RP1: variants seen among roughly 807,000 people sequenced by gnomAD.
RP1 encodes RP1 axonemal microtubule associated, also known as oxygen-regulated protein 1.
In RP1, 16 loss-of-function variants were observed where a neutral mutation model predicts 14.8. The observed-to-expected ratio is 1.08, with a 90% CI of 0.73 to 1.65. The LOEUF (loss-of-function observed/expected upper bound fraction) is 1.65. Among genes scored for constraint, RP1 ranks in the 40% most tolerant of loss-of-function variants. The probability of loss-of-function intolerance (pLI) is 0.00; values close to 1 mark genes in which losing one functional copy is unlikely to be tolerated. For missense variants in RP1, 2,631 were observed against 2,535.0 expected, an observed-to-expected ratio of 1.04 and a Z score of -0.81; for synonymous variants, 876 against 883.6, an observed-to-expected ratio of 0.99 and a Z score of 0.15.
Position 54,625,294 on chromosome 8 carries a change from C to T in RP1, c.1412C>T (p.Ser471Phe), listed in dbSNP as rs1000614416. The T allele has an allele frequency of 1.2e-6, 2 of 1,613,982 alleles. No individual in the cohort carries two copies. Among genetic ancestry groups the T allele is most frequent in the Non-Finnish European group, 8.5e-7 (1 of 1,180,028 alleles). ...GTGATTGGCAGTGTGACCTTAGTAT[C>T]TGAAACTGAGGTTCAAGAGAAAATG... The part of the protein sequence containing the change: ...KSVIGSVTLV[S>F]ETEVQEKMIG... The change falls in exon 4 of 4, where the codon TCT becomes TTT. Residue 471 changes from serine (S) to phenylalanine (F), a missense_variant. Ser to Phe is a radical substitution (Grantham distance 155). Transcript: ENST00000220676.
rs1352979397 is a variant in RP1 at position 54,588,094 on chromosome 8, C to G, written c.-13+28774C>G. 3.0e-4 allele frequency among the ~76,000 whole-genome samples: 45 copies of G among 152,150 alleles called. 1 individual carries two copies. The highest frequency in any genetic ancestry group is 5.9e-5 in the Non-Finnish European group (4 of 68,030). ...AGGAACTTAATATCCATTGGCAGGT[C>G]AACTTGTGACTTTATGCTGTGACTA... is the stretch of plus-strand genomic sequence containing the variant. On this transcript the variant is annotated intron_variant, in intron 1 of 22. Coordinates refer to the RP1 transcript ENST00000636932.
At chr8:54,693,301 G>T (rs1226241463) in intron 12 of RP1, among the ~76,000 whole-genome samples, 1 of 152,078 alleles carries the variant, frequency 6.6e-6, no homozygotes, top group East Asian at 1.9e-4. Flanking sequence ...GGTGATGCGG[G>T]CTCTTTTTTG....
At chr8:54,804,148 G>T (rs191947634) in intron 24 of RP1, among the ~76,000 whole-genome samples, 4,353 of 151,786 alleles carry the variant, frequency 0.029, 122 homozygotes, top group African/African-American at 0.064. Context: ...ATATGTGGGG[G>T]GGGGCTAGGT....
At chr8:54,781,169 G>C in intron 23 of RP1, 1 of 371,186 alleles carries the variant, frequency 2.7e-6, no homozygotes. Flanking sequence ...GCTTGGAAAA[G>C]AGAATGAAAG....
At chr8:54,611,183 T>C (rs898268148), upstream of RP1, among the ~76,000 whole-genome samples, 1 of 152,216 alleles carries the variant, frequency 6.6e-6, no homozygotes, top group African/African-American at 2.4e-5. Flanking sequence ...AGGTCTCTTG[T>C]AGTTCATCCT....
intron 3 of RP1, among the ~76,000 whole-genome samples, chr8:54,641,197 A>T (rs1223786858): frequency 6.6e-6 from 1 of 152,044 alleles, no homozygotes; most frequent in Admixed American, 6.6e-5. Context: ...TGCCCTCCTC[A>T]GCCTCCTGAA....
At chr8:54,661,625 G>C (rs1294755415) in intron 6 of RP1, among the ~76,000 whole-genome samples, 1 of 152,126 alleles carries the variant, frequency 6.6e-6, no homozygotes, top group African/African-American at 2.4e-5. Context: ...AATATCAACT[G>C]ATGTGAAAAT....
At position 54,621,036 on chromosome 8, in the gene RP1, C is replaced by A; in HGVS notation, c.70C>A (p.Pro24Thr). The change falls in exon 2 of 4, where the codon CCT becomes ACT. Residue 24 changes from proline (P) to threonine (T), a missense_variant. Pro to Thr is a conservative substitution (Grantham distance 38). Coordinates refer to ENST00000220676, the MANE Select transcript of RP1 (RefSeq NM_006269.2). Reference protein sequence around the residue: ...PTSSEGQVPPPRHLSLTHPVV... With the variant: ...PTSSEGQVPPTRHLSLTHPVV... The stretch of plus-strand genomic sequence containing the variant: ...GTCTTCTGAAGGTCAAGTTCCACCC[C>A]CTCGCCATTTGAGCCTCACTCATCC... 6.2e-7 allele frequency: 1 copy of A among 1,614,178 alleles called. No individual in the cohort carries two copies. Among genetic ancestry groups the A allele is most frequent in the Non-Finnish European group, 8.5e-7 (1 of 1,180,030 alleles).
At chr8:54,591,585 A>G (rs1805043845) in intron 1 of RP1, among the ~76,000 whole-genome samples, 1 of 152,030 alleles carries the variant, frequency 6.6e-6, no homozygotes, top group Admixed American at 6.6e-5. Flanking sequence ...AAATTATCTT[A>G]TTTATCAACT....
chr8:54,638,903 TCTCTCG>T (rs369063473), intron 3 of RP1, among the ~76,000 whole-genome samples: 1,261 of 120,922 alleles, frequency 0.01, 15 homozygotes, highest in African/African-American at 0.034. Context: ...TCTCTCTCTC[TCTCTCG>T]GTCTCTCTCA....
At chr8:54,803,339 G>A (rs767020414) in intron 24 of RP1, among the ~76,000 whole-genome samples, 8 of 152,124 alleles carry the variant, frequency 5.3e-5, no homozygotes, top group Non-Finnish European at 1.2e-4. Context: ...ACAATTAGAT[G>A]TCACAGATGA....
rs556022916 is a variant in RP1 at position 54,663,875 on chromosome 8, A to G, written c.1323+25A>G. Reference sequence around the variant, plus strand: ...AGTAAGCAAAATGCCCTTTGATTTTAAAAAGATTAATCATGGTAAAAACAC... The same window carrying G: ...AGTAAGCAAAATGCCCTTTGATTTTGAAAAGATTAATCATGGTAAAAACAC... On this transcript the variant is annotated intron_variant, in intron 7 of 22. Coordinates refer to the RP1 transcript ENST00000636932. 29 of 1,503,192 alleles carry G rather than the reference A, an allele frequency of 1.9e-5. No individual in the cohort carries two copies. In the African/African-American group the frequency reaches 3.5e-4, roughly 18 times the overall value. The allele number at this position is 1,503,192 out of a possible 1,614,324, so 93.1% of individuals were successfully genotyped here.
chr8:54,729,169 G>T (rs554290007), intron 17 of RP1, among the ~76,000 whole-genome samples: 1 of 152,072 alleles, frequency 6.6e-6, no homozygotes, highest in African/African-American at 2.4e-5. Context: ...ATATCTTTCC[G>T]GCAACTACCT....
At chr8:54,697,787 G>A (rs1807907780) in intron 12 of RP1, among the ~76,000 whole-genome samples, 1 of 152,158 alleles carries the variant, frequency 6.6e-6, no homozygotes, top group Admixed American at 6.6e-5. Flanking sequence ...ACAAGCAATG[G>A]GGAGAGGATT....
chr8:54,705,173 A>G lies in RP1; in HGVS notation c.1999-1270A>G, dbSNP rs372638102. Reference sequence around the variant, plus strand: ...ACAGAGTTTGGGGGACCCCGAGACCACTATCAAGGCTTGATAATTCACCGG... The same window carrying G: ...ACAGAGTTTGGGGGACCCCGAGACCGCTATCAAGGCTTGATAATTCACCGG... On this transcript the variant is annotated intron_variant, in intron 14 of 22. Transcript: ENST00000636932. Among the ~76,000 whole-genome samples, 337 of 152,272 alleles carry G rather than the reference A, an allele frequency of 2.2e-3. 2 individuals carry two copies. The highest frequency in any genetic ancestry group is 7.1e-3 in the African/African-American group (295 of 41,576).
Position 54,736,834 on chromosome 8 carries a change from C to T in RP1, c.2721+2090C>T, listed in dbSNP as rs151044645. ...TCAGAATCTGCATTTTAACCAGATC[C>T]CCAGGTAATCTGTGTGTGCACTAAA... is the stretch of plus-strand genomic sequence containing the variant. On this transcript the variant is annotated intron_variant, in intron 18 of 22. Coordinates refer to the RP1 transcript ENST00000636932. Among the ~76,000 whole-genome samples the T allele has an allele frequency of 1.6e-3, 247 of 152,172 alleles. 2 individuals carry two copies. The highest frequency in any genetic ancestry group is 5.6e-3 in the African/African-American group (233 of 41,506).
chr8:54,595,711 G>A (rs1318818312), intron 1 of RP1, among the ~76,000 whole-genome samples: 1 of 152,124 alleles, frequency 6.6e-6, no homozygotes, highest in Non-Finnish European at 1.5e-5. Context: ...ATGCTTTATT[G>A]TTTTAAATAA....
At chr8:54,582,244 A>G (rs1804810409) in intron 1 of RP1, among the ~76,000 whole-genome samples, 1 of 151,694 alleles carries the variant, frequency 6.6e-6, no homozygotes, top group South Asian at 2.1e-4. Flanking sequence ...TCCCAGCACC[A>G]TTTATTAAAT....
chr8:54,727,932 A>G (rs557526569), intron 17 of RP1, among the ~76,000 whole-genome samples: 10 of 152,114 alleles, frequency 6.6e-5, no homozygotes, highest in South Asian at 6.2e-4. Flanking sequence ...GTTAATGGCA[A>G]TACAGCAGAA....
Sources: allele counts gnomAD v4.1 joint callset (sites outside exome capture counted in the v4.1 genomes callset), GRCh38; gene constraint gnomAD v4.1.1; transcripts MANE v1.5; gene names NCBI Gene and HGNC (gene_info 2026-07-23, HGNC 2026-07-21).